Variants in ANKRD30BL observed in about 807,000 individuals in gnomAD.
ANKRD30BL encodes the protein ankyrin repeat domain 30B like.
Under a neutral mutation model 18.4 loss-of-function variants are expected in ANKRD30BL, and 20 were observed. The ratio of observed to expected loss-of-function variants is 1.09; its 90% confidence interval spans 0.77 to 1.58. The LOEUF (loss-of-function observed/expected upper bound fraction) is 1.58, where lower values mean the gene tolerates loss of function less well. ANKRD30BL is among the 40% of genes most tolerant of loss of function. The pLI is 0.00. For missense variants in ANKRD30BL, 224 were observed against 268.6 expected (o/e 0.83, Z 1.16); for synonymous variants, 72 against 100.9 (o/e 0.71, Z 1.72).
chr2:132,243,439 T>G (rs910430414), intron 1 of ANKRD30BL, among the ~76,000 whole-genome samples: 4 of 151,628 alleles, frequency 2.6e-5, no homozygotes, highest in Non-Finnish European at 5.9e-5. Context: ...TACATTGTGA[T>G]GTGTGTACTC....
chr2:132,189,286 CAA>C (rs894359050), intron 1 of ANKRD30BL, among the ~76,000 whole-genome samples: 1 of 152,098 alleles, frequency 6.6e-6, no homozygotes, highest in Non-Finnish European at 1.5e-5. Flanking sequence ...TAAGTAAAAC[CAA>C]ATCCAGAAGA....
intron 1 of ANKRD30BL, chr2:132,256,823 T>A (rs1573904643): frequency 2.7e-6 from 1 of 371,030 alleles, no homozygotes. Flanking sequence ...CCGGGTTTGG[T>A]CCCAGACGGG....
At chr2:132,158,890 G>T in intron 1 of ANKRD30BL, among the ~76,000 whole-genome samples, 1 of 151,738 alleles carries the variant, frequency 6.6e-6, no homozygotes, top group Non-Finnish European at 1.5e-5. Flanking sequence ...AAAGTTCACA[G>T]AATATACTAA....
At chr2:132,189,156 T>C (rs1387372223) in intron 1 of ANKRD30BL, among the ~76,000 whole-genome samples, 1 of 152,198 alleles carries the variant, frequency 6.6e-6, no homozygotes, top group Non-Finnish European at 1.5e-5. Flanking sequence ...GAACAAAGTG[T>C]TTGTGTCAAG....
chr2:132,148,072 C>T lies in ANKRD30BL; in HGVS notation c.*59G>A. ...GAACTCATTGTACTTAATCTTCCCC[C>T]TCTTGAATTTTAAAGGATGTTTACA... On this transcript the variant is annotated 3_prime_UTR_variant, in exon 6 of 6. Coordinates refer to ENST00000409867, the MANE Select transcript of ANKRD30BL (RefSeq NM_001358416.1). The T allele has an allele frequency of 7.7e-7, 1 of 1,302,752 alleles. No homozygotes were observed. Among genetic ancestry groups the T allele is most frequent in the Non-Finnish European group, 1.1e-6 (1 of 922,882 alleles). 80.7% of individuals were successfully genotyped at this position (1,302,752 alleles called of 1,614,324 possible). A position where few individuals can be genotyped will look rare whatever the true frequency, so the allele number is the denominator to read the frequency against.
rs531269048 is a variant in ANKRD30BL, at chr2:132,213,125, G to A, written n.441+44404C>T. On this transcript the variant is annotated intron_variant and non_coding_transcript_variant, in intron 1 of 4. Transcript: ENST00000470729. ...CAAGTGGACATTTGGAGGTCTTTGA[G>A]GCCTATGGTGGAAAAAAAAATCTTC... Among the ~76,000 whole-genome samples, 4 of 142,442 alleles carry A rather than the reference G, an allele frequency of 2.8e-5. No individual in the cohort carries two copies. In the East Asian group the frequency reaches 5.9e-4, roughly 21 times the overall value. 93.4% of individuals were successfully genotyped at this position (142,442 alleles called of 152,430 possible).
chr2:132,211,929 A>C (rs1229054404), intron 1 of ANKRD30BL, among the ~76,000 whole-genome samples: 1 of 151,630 alleles, frequency 6.6e-6, no homozygotes, highest in Non-Finnish European at 1.5e-5. Flanking sequence ...ACTAGACAGA[A>C]TCATTCCGAC....
At chr2:132,208,682 T>G (rs1437316745) in intron 1 of ANKRD30BL, among the ~76,000 whole-genome samples, 2 of 151,498 alleles carry the variant, frequency 1.3e-5, no homozygotes, top group African/African-American at 4.9e-5. Flanking sequence ...GAAAAGGAGA[T>G]AAGTGTATTC....
At chr2:132,150,259 T>TAAA in intron 5 of ANKRD30BL, among the ~76,000 whole-genome samples, 1 of 84,900 alleles carries the variant, frequency 1.2e-5, no homozygotes, top group East Asian at 6.8e-4. Flanking sequence ...ATTTGTTAAA[T>TAAA]TAACAAATAA....
chr2:132,209,687 C>G (rs1227454496), intron 1 of ANKRD30BL, among the ~76,000 whole-genome samples: 1 of 152,050 alleles, frequency 6.6e-6, no homozygotes, highest in Non-Finnish European at 1.5e-5. Context: ...GAAATATCTT[C>G]AAATAAAAAC....
rs571030869 is a variant in ANKRD30BL, at chr2:132,208,732, C to T, written n.441+48797G>A. The stretch of plus-strand genomic sequence containing the variant: ...ACTACATCTGGATTTTAAATGTGTG[C>T]CCTCAGATAGGATTCCAGTACACAG... On this transcript the variant is annotated intron_variant and non_coding_transcript_variant, in intron 1 of 4. Transcript: ENST00000470729. Among the ~76,000 whole-genome samples, 104 of 151,490 alleles carry T rather than the reference C, an allele frequency of 6.9e-4. 2 individuals carry two copies. The South Asian group carries it at 7.7e-3, about 11-fold the overall frequency.
Position 132,147,953 on chromosome 2 carries a change from G to A in ANKRD30BL, c.*178C>T. 3.4e-6 allele frequency: 2 copies of A among 587,954 alleles called. No individual in the cohort carries two copies. The highest frequency in any genetic ancestry group is 6.2e-6 in the Non-Finnish European group (2 of 323,522). The allele number at this position is 587,954 out of a possible 1,614,324, so 36.4% of individuals were successfully genotyped here. On this transcript the variant is annotated 3_prime_UTR_variant, in exon 6 of 6. Transcript: ENST00000409867. Reference sequence around the variant, plus strand: ...TGTTTAATGAAACTAGGGGCAAGGAGGCATAACGAACGAGGAAGTTAAACT... The same window carrying A: ...TGTTTAATGAAACTAGGGGCAAGGAAGCATAACGAACGAGGAAGTTAAACT...
chr2:132,206,446 C>G (rs1423268644), intron 1 of ANKRD30BL, among the ~76,000 whole-genome samples: 10 of 152,184 alleles, frequency 6.6e-5, no homozygotes. Flanking sequence ...TTAATCCCAG[C>G]TCTTCCACTT....
chr2:132,242,507 C>T (rs778675272), intron 1 of ANKRD30BL, among the ~76,000 whole-genome samples: 44 of 151,150 alleles, frequency 2.9e-4, no homozygotes, highest in African/African-American at 6.6e-4. Context: ...ACATTTGGAG[C>T]GCTTTGTGGC....
chr2:132,205,298 G>A (rs1288589784), intron 1 of ANKRD30BL, among the ~76,000 whole-genome samples: 1 of 151,968 alleles, frequency 6.6e-6, no homozygotes, highest in Non-Finnish European at 1.5e-5. Context: ...GAAAAAACTA[G>A]GCAGCAAGGA....
rs549094595 is a variant in ANKRD30BL, at chr2:132,212,619, C to T, written n.441+44910G>A. ...GTGGACAATTGGAGTGCTTTGAGGC[C>T]TATGGGGGAAAACAATCTTCACTTA... On this transcript the variant is annotated intron_variant and non_coding_transcript_variant, in intron 1 of 4. Transcript: ENST00000470729. Among the ~76,000 whole-genome samples, 11 of 151,600 alleles carry T rather than the reference C, an allele frequency of 7.3e-5. No individual in the cohort carries two copies. The South Asian group carries it at 2.3e-3, about 31-fold the overall frequency.
intron 1 of ANKRD30BL, among the ~76,000 whole-genome samples, chr2:132,242,275 C>T (rs563076017): frequency 2.0e-5 from 3 of 151,030 alleles, no homozygotes; most frequent in Admixed American, 1.3e-4. Flanking sequence ...TTTGAAAATT[C>T]CCTTTCATGG....
intron 1 of ANKRD30BL, among the ~76,000 whole-genome samples, chr2:132,169,466 G>A (rs1688239988): frequency 1.3e-5 from 2 of 152,146 alleles, no homozygotes; most frequent in Admixed American, 1.3e-4. Flanking sequence ...GGCCACCATG[G>A]TGAAACCCCA....
At chr2:132,230,386 G>T (rs938565569) in intron 1 of ANKRD30BL, among the ~76,000 whole-genome samples, 8 of 151,606 alleles carry the variant, frequency 5.3e-5, no homozygotes, top group African/African-American at 1.5e-4. Flanking sequence ...ACTTTCCTTT[G>T]ATAGAGCAGT....
Sources: gnomAD v4.1 joint callset for allele counts (sites outside exome capture counted in the v4.1 genomes callset) on GRCh38, gnomAD v4.1.1 for gene constraint, MANE v1.5 for transcripts, NCBI Gene and HGNC (gene_info 2026-07-23, HGNC 2026-07-21) for gene names.